The following WDR7 variants were observed in gnomAD, a reference collection of about 807,000 sequenced individuals.
WDR7 encodes WD repeat domain 7.
WDR7 carries 46 observed loss-of-function variants against 169.4 expected under a neutral mutation model. The observed-to-expected ratio is 0.27, with a 90% CI of 0.21 to 0.35. The LOEUF is 0.35. Ranked by LOEUF, WDR7 falls within the 10% of genes least tolerant of loss-of-function variation. The probability of loss-of-function intolerance (pLI) is 1.00; values close to 1 mark genes in which losing one functional copy is unlikely to be tolerated. For synonymous variants in WDR7, 612 were observed against 666.8 expected, an observed-to-expected ratio of 0.92 and a Z score of 1.27; for missense variants, 1,534 against 1,859.3, an observed-to-expected ratio of 0.83 and a Z score of 3.22.
At chr18:56,959,805 T>C (rs2047313248) in intron 25 of WDR7, among the ~76,000 whole-genome samples, 1 of 152,180 alleles carries the variant, frequency 6.6e-6, no homozygotes, top group African/African-American at 2.4e-5. Context: ...TGCATCTTGC[T>C]CCTTCGTCTT....
intron 12 of WDR7, among the ~76,000 whole-genome samples, chr18:56,701,301 T>A (rs1271463355): frequency 6.6e-6 from 1 of 152,200 alleles, no homozygotes; most frequent in Non-Finnish European, 1.5e-5. Context: ...TGAGAGGTGT[T>A]GGAATCTGTG....
intron 27 of WDR7, among the ~76,000 whole-genome samples, chr18:57,022,712 A>G (rs2048308814): frequency 6.6e-6 from 1 of 152,152 alleles, no homozygotes; most frequent in African/African-American, 2.4e-5. Context: ...ATTTATATCA[A>G]AATTACTGCC....
chr18:56,749,911 TTATAAA>T (rs1391003244), intron 14 of WDR7, among the ~76,000 whole-genome samples: 6 of 150,762 alleles, frequency 4.0e-5, no homozygotes, highest in Non-Finnish European at 7.4e-5. Flanking sequence ...ATAATAAACA[TTATAAA>T]TATATAATAA....
At chr18:57,035,589 A>G in the WDR7 span, 3 of 152,352 alleles carry the variant, frequency 2.0e-5, no homozygotes, top group South Asian at 4.2e-4. Context: ...CATTCCAGCA[A>G]TGAATTGAAG....
At chr18:56,956,169 A>T (rs2047247851) in intron 25 of WDR7, among the ~76,000 whole-genome samples, 1 of 152,142 alleles carries the variant, frequency 6.6e-6, no homozygotes, top group African/African-American at 2.4e-5. Context: ...ATCCCAGAAT[A>T]AGAGATATTT....
Position 56,889,689 on chromosome 18 carries a change from C to T in WDR7, c.3526+9524C>T, listed in dbSNP as rs976642612. ...TTCTAACTCTAAAGCAGCATATTTT[C>T]ACCATTCCACATATTTTTGTGTGTT... On this transcript the variant is annotated intron_variant, in intron 21 of 27. Transcript: ENST00000254442. Among the ~76,000 whole-genome samples, 4 of 152,160 alleles carry T rather than the reference C, an allele frequency of 2.6e-5. No individual in the cohort carries two copies. In the South Asian group the frequency reaches 8.3e-4, roughly 31 times the overall value.
At chr18:56,654,178 G>C (rs551853424) in intron 1 of WDR7, among the ~76,000 whole-genome samples, 1 of 152,110 alleles carries the variant, frequency 6.6e-6, no homozygotes, top group South Asian at 2.1e-4. Flanking sequence ...TCTTGCCAGG[G>C]TGGAGTGCAG....
rs901288268 is a variant in WDR7, at chr18:56,739,810, T to C, written c.1989+8213T>C. ...ATTGTTATTCCTTTGGATCCCCCCA[T>C]TGCTATTAAGGTTTTCTATTTTTCC... On this transcript the variant is annotated intron_variant, in intron 14 of 27. Transcript: ENST00000254442. 7.2e-5 allele frequency among the ~76,000 whole-genome samples: 11 copies of C among 152,098 alleles called. No individual in the cohort carries two copies. In the East Asian group the frequency reaches 2.1e-3, roughly 29 times the overall value.
At chr18:56,709,977 A>G (rs910730896) in intron 12 of WDR7, among the ~76,000 whole-genome samples, 2 of 150,444 alleles carry the variant, frequency 1.3e-5, no homozygotes, top group African/African-American at 4.9e-5. Context: ...TACAATTAAG[A>G]GAACCACAAT....
Position 57,029,372 on chromosome 18 carries a change from T to G in WDR7, c.*2165T>G, listed in dbSNP as rs1241347867. Reference sequence around the variant, plus strand: ...CCTGGGGTGGACGATGTTTGATGATTAGACGGTCATCTCTAACTACTAAAC... The same window carrying G: ...CCTGGGGTGGACGATGTTTGATGATGAGACGGTCATCTCTAACTACTAAAC... On this transcript the variant is annotated 3_prime_UTR_variant, in exon 28 of 28. Coordinates refer to ENST00000254442, the MANE Select transcript of WDR7 (RefSeq NM_015285.3). 1 of 152,226 alleles carries G rather than the reference T, an allele frequency of 6.6e-6. No individual in the cohort carries two copies. The highest frequency in any genetic ancestry group is 2.4e-5 in the African/African-American group (1 of 41,458). The allele number at this position is 152,226 out of a possible 1,614,324, so 9.4% of individuals were successfully genotyped here. A position where few individuals can be genotyped will look rare whatever the true frequency, so the allele number is the denominator to read the frequency against.
intron 26 of WDR7, among the ~76,000 whole-genome samples, chr18:56,972,403 C>T (rs994358783): frequency 1.3e-5 from 2 of 152,178 alleles, no homozygotes; most frequent in Non-Finnish European, 2.9e-5. Flanking sequence ...AAGTCTATAA[C>T]GCTTATACAT....
At chr18:56,957,060 A>G (rs539902581) in intron 25 of WDR7, among the ~76,000 whole-genome samples, 24 of 152,178 alleles carry the variant, frequency 1.6e-4, no homozygotes, top group Non-Finnish European at 3.1e-4. Flanking sequence ...CTAGGTATAC[A>G]AGGATCTGTG....
chr18:56,792,767 C>T (rs1486188152), intron 19 of WDR7, among the ~76,000 whole-genome samples: 1 of 86,064 alleles, frequency 1.2e-5, no homozygotes, highest in East Asian at 2.8e-4. Flanking sequence ...TTTTCTTTAA[C>T]ACACACACAC....
intron 14 of WDR7, among the ~76,000 whole-genome samples, chr18:56,753,692 T>C (rs2043829246): frequency 6.6e-6 from 1 of 150,388 alleles, no homozygotes; most frequent in East Asian, 2.0e-4. Context: ...CATATATTTG[T>C]GGAATAATAG....
intron 7 of WDR7, among the ~76,000 whole-genome samples, chr18:56,690,980 C>T (rs1031861435): frequency 6.8e-6 from 1 of 147,978 alleles, no homozygotes; most frequent in African/African-American, 2.7e-5. Context: ...CCTCGCTCCA[C>T]TTGTCATAGC....
At chr18:56,750,958 CAG>C (rs1181325023) in intron 14 of WDR7, among the ~76,000 whole-genome samples, 1 of 152,156 alleles carries the variant, frequency 6.6e-6, no homozygotes. Flanking sequence ...TTGGTGAAAA[CAG>C]AAATTATAGT....
chr18:56,909,869 T>C (rs2046529776), intron 21 of WDR7, among the ~76,000 whole-genome samples: 1 of 152,154 alleles, frequency 6.6e-6, no homozygotes, highest in African/African-American at 2.4e-5. Context: ...GAGGGAAAAC[T>C]TAGGAAATAT....
chr18:56,753,535 G>A (rs145306599), intron 14 of WDR7, among the ~76,000 whole-genome samples: 1,971 of 152,260 alleles, frequency 0.013, 21 homozygotes, highest in East Asian at 0.033. Flanking sequence ...ATAAAATGTT[G>A]TGGGAGTTGG....
intron 21 of WDR7, among the ~76,000 whole-genome samples, chr18:56,887,667 ATT>A (rs879564223): frequency 6.8e-6 from 1 of 146,652 alleles, no homozygotes; most frequent in Non-Finnish European, 1.5e-5. Flanking sequence ...CCATTAACCT[ATT>A]TTTTTTTTTC....
Sources: allele counts gnomAD v4.1 joint callset (sites outside exome capture counted in the v4.1 genomes callset), GRCh38; gene constraint gnomAD v4.1.1; transcripts MANE v1.5; gene names NCBI Gene and HGNC (gene_info 2026-07-23, HGNC 2026-07-21).